The following SLC9A9 variants were observed in gnomAD, a reference collection of about 807,000 sequenced individuals.
SLC9A9 encodes the protein sodium/hydrogen exchanger 9.
Under a neutral mutation model 77.8 loss-of-function variants are expected in SLC9A9, and 62 were observed. The ratio of observed to expected loss-of-function variants is 0.80; its 90% confidence interval spans 0.65 to 0.98. SLC9A9 has a LOEUF of 0.98. SLC9A9 is among the 50% of genes least tolerant of loss of function. SLC9A9 has a pLI of 0.00. For synonymous variants in SLC9A9, 320 were observed against 283.5 expected, an observed-to-expected ratio of 1.13 and a Z score of -1.29; for missense variants, 775 against 774.9, an observed-to-expected ratio of 1.00 and a Z score of 0.00.
rs960137696 is a variant in SLC9A9, at chr3:143,382,004, C to T, written c.1524+56G>A. 4 of 1,596,520 alleles carry T rather than the reference C, an allele frequency of 2.5e-6. No homozygotes were observed. The African/African-American group carries it at 4.0e-5, about 16-fold the overall frequency. ...ACATGCTGGACAAACATGGAACAGC[C>T]TATGGAACAGAACAATCATATCTCT... On this transcript the variant is annotated intron_variant, in intron 13 of 15. Transcript: ENST00000316549.
Position 143,289,735 on chromosome 3 carries a change from C to T in SLC9A9, c.1605-20755G>A, listed in dbSNP as rs139586038. 7.0e-4 allele frequency among the ~76,000 whole-genome samples: 107 copies of T among 152,320 alleles called. 1 individual carries two copies. Among genetic ancestry groups the T allele is most frequent in the African/African-American group, 2.5e-3 (106 of 41,572 alleles). The stretch of plus-strand genomic sequence containing the variant: ...TCCCACAGCTGCTGCCAGCACCCCT[C>T]CCTTAGGTGGCTGCAACCACCTTCT... On this transcript the variant is annotated intron_variant, in intron 14 of 15. Transcript: ENST00000316549.
intron 14 of SLC9A9, among the ~76,000 whole-genome samples, chr3:143,311,914 G>T (rs2031032930): frequency 6.6e-6 from 1 of 152,148 alleles, no homozygotes; most frequent in Admixed American, 6.5e-5. Context: ...AAAATATTTT[G>T]AAAATCCATT....
chr3:143,779,924 T>C (rs889931526), intron 4 of SLC9A9, among the ~76,000 whole-genome samples: 9 of 152,170 alleles, frequency 5.9e-5, no homozygotes, highest in Admixed American at 5.2e-4. Context: ...TGCAAATGAG[T>C]CTCCATTTAC....
At chr3:143,745,613 G>C (rs1935182470) in intron 4 of SLC9A9, among the ~76,000 whole-genome samples, 1 of 152,094 alleles carries the variant, frequency 6.6e-6, no homozygotes, top group Admixed American at 6.5e-5. Flanking sequence ...TAGAACATTA[G>C]GGCCGCTGTG....
At chr3:143,331,093 G>A (rs1008517587) in intron 14 of SLC9A9, among the ~76,000 whole-genome samples, 5 of 152,356 alleles carry the variant, frequency 3.3e-5, no homozygotes, top group African/African-American at 1.2e-4. Context: ...GATGGGGTAA[G>A]AGAGGATGGA....
intron 1 of SLC9A9, among the ~76,000 whole-genome samples, chr3:143,843,568 T>A (rs2009759700): frequency 6.6e-6 from 1 of 152,126 alleles, no homozygotes; most frequent in Non-Finnish European, 1.5e-5. Flanking sequence ...GTGGCCACAA[T>A]TTTTACATGA....
rs755446886 is a variant in SLC9A9 at position 143,796,828 on chromosome 3, T to G, written c.454A>C (p.Lys152Gln). The change falls in exon 3 of 16, where the codon AAG (lysine) becomes CAG (glutamine). Residue 152 changes from lysine to glutamine, a missense_variant and splice_region_variant. Physicochemically the swap from Lys to Gln is moderately conservative, Grantham distance 53 (BLOSUM62 1). Coordinates refer to ENST00000316549, the MANE Select transcript of SLC9A9 (RefSeq NM_173653.4). ...GAAAATGATCACTATATATTTACCT[T>G]CTTTAGACTATATCCTGCATGAAAT... The part of the protein sequence containing the change: ...IIFHAGYSLK[K>Q]RHFFQNLGSI... 6.2e-7 allele frequency: 1 copy of G among 1,601,968 alleles called. No homozygotes were observed. The highest frequency in any genetic ancestry group is 8.5e-7 in the Non-Finnish European group (1 of 1,170,070).
Position 143,380,886 on chromosome 3 carries a change from T to C in SLC9A9, c.1524+1174A>G, listed in dbSNP as rs535292590. 1.4e-4 allele frequency among the ~76,000 whole-genome samples: 22 copies of C among 152,338 alleles called. 1 individual carries two copies. The highest frequency in any genetic ancestry group is 1.2e-3 in the Admixed American group (18 of 15,298). ...CAGTTGTGCCTCATTGATGGTGTTA[T>C]TGGAAAAACAAGCATGAAATAAAAG... On this transcript the variant is annotated intron_variant, in intron 13 of 15. Coordinates refer to ENST00000316549, the MANE Select transcript of SLC9A9 (RefSeq NM_173653.4).
At chr3:143,669,134 C>A (rs1239441889) in intron 5 of SLC9A9, among the ~76,000 whole-genome samples, 1 of 152,182 alleles carries the variant, frequency 6.6e-6, no homozygotes, top group East Asian at 1.9e-4. Flanking sequence ...ATTTTACTCC[C>A]TAGTTGCCTC....
intron 4 of SLC9A9, among the ~76,000 whole-genome samples, chr3:143,703,134 A>G (rs1440011669): frequency 6.6e-6 from 1 of 152,130 alleles, no homozygotes; most frequent in Non-Finnish European, 1.5e-5. Context: ...GGAGACTTCA[A>G]CATCCCACTT....
At position 143,266,319 on chromosome 3, in the gene SLC9A9, C is replaced by T; in HGVS notation, c.*383G>A. On this transcript the variant is annotated 3_prime_UTR_variant, in exon 16 of 16. Coordinates refer to ENST00000316549, the MANE Select transcript of SLC9A9 (RefSeq NM_173653.4). ...TCAGAAGCTTTCTTTTATTTTTAAA[C>T]TCTCCTTAATGGAGGGAATAAAATC... is the stretch of plus-strand genomic sequence containing the variant. 1.7e-6 allele frequency: 1 copy of T among 572,438 alleles called. No homozygotes were observed. Among genetic ancestry groups the T allele is most frequent in the East Asian group, 2.9e-5 (1 of 33,950 alleles). The allele number at this position is 572,438 out of a possible 1,614,324, so 35.5% of individuals were successfully genotyped here. A position where few individuals can be genotyped will look rare whatever the true frequency, so the allele number is the denominator to read the frequency against.
Position 143,452,220 on chromosome 3 carries a change from T to G in SLC9A9, c.1469+14817A>C, listed in dbSNP as rs539860142. ...ATACCTTTGCAACTGAGGTTAACAC[T>G]GTCACCACATGAACAAACTTAGCAT... On this transcript the variant is annotated intron_variant, in intron 12 of 15. Transcript: ENST00000316549. Among the ~76,000 whole-genome samples, 43 of 152,186 alleles carry G rather than the reference T, an allele frequency of 2.8e-4. No homozygotes were observed. In the South Asian group the frequency reaches 8.9e-3, roughly 32 times the overall value.
intron 5 of SLC9A9, among the ~76,000 whole-genome samples, chr3:143,657,775 C>T (rs555810627): frequency 5.1e-4 from 78 of 152,172 alleles, no homozygotes; most frequent in South Asian, 2.7e-3. Context: ...TTTATATTAA[C>T]ATGTAAATGT....
intron 14 of SLC9A9, among the ~76,000 whole-genome samples, chr3:143,362,200 C>T (rs1260832157): frequency 1.3e-5 from 2 of 152,184 alleles, no homozygotes; most frequent in Non-Finnish European, 1.5e-5. Context: ...AGATGGACTT[C>T]TCTCAAGATG....
chr3:143,466,175 G>A (rs376715168), intron 12 of SLC9A9, among the ~76,000 whole-genome samples: 11 of 152,300 alleles, frequency 7.2e-5, no homozygotes, highest in East Asian at 1.9e-4. Flanking sequence ...GGATCTTTAC[G>A]TGTTGAAGGC....
At chr3:143,511,096 G>A (rs780088189) in intron 9 of SLC9A9, among the ~76,000 whole-genome samples, 21 of 152,126 alleles carry the variant, frequency 1.4e-4, no homozygotes, top group South Asian at 4.1e-4. Flanking sequence ...GAATGCCCAC[G>A]GGCAATTCTC....
At chr3:143,395,198 A>G (rs888667812) in intron 12 of SLC9A9, among the ~76,000 whole-genome samples, 1 of 152,228 alleles carries the variant, frequency 6.6e-6, no homozygotes, top group African/African-American at 2.4e-5. Flanking sequence ...ACTTCAAACT[A>G]TACTATAAGG....
rs145881264 is a variant in SLC9A9, at chr3:143,424,529, C to T, written c.1470-42415G>A. The stretch of plus-strand genomic sequence containing the variant: ...CCTGACCTCATGATCCACCTGCCTC[C>T]GCCTCCCCAAGTGCTGGGTCTCAAT... On this transcript the variant is annotated intron_variant, in intron 12 of 15. Transcript: ENST00000316549. Among the ~76,000 whole-genome samples the T allele has an allele frequency of 6.5e-3, 987 of 151,634 alleles. 15 individuals carry two copies. The highest frequency in any genetic ancestry group is 0.022 in the African/African-American group (913 of 41,348).
intron 6 of SLC9A9, among the ~76,000 whole-genome samples, chr3:143,598,926 T>G (rs1410246373): frequency 6.6e-6 from 1 of 152,240 alleles, no homozygotes; most frequent in Non-Finnish European, 1.5e-5. Flanking sequence ...AGGAATCTTT[T>G]GTTTGTTTCT....
Sources: gnomAD v4.1 joint callset for allele counts (sites outside exome capture counted in the v4.1 genomes callset) on GRCh38, gnomAD v4.1.1 for gene constraint, MANE v1.5 for transcripts, NCBI Gene and HGNC (gene_info 2026-07-23, HGNC 2026-07-21) for gene names.